HMGA2: variants seen among roughly 807,000 people sequenced by gnomAD.
The protein encoded by HMGA2 is high mobility group AT-hook 2, also known as high mobility group protein HMGI-C.
HMGA2 carries 8 observed loss-of-function variants against 19.1 expected under a neutral mutation model. That is an observed-to-expected ratio of 0.42 (90% confidence interval 0.25 to 0.76). The LOEUF is 0.76. Ranked by LOEUF, HMGA2 falls within the 30% of genes least tolerant of loss-of-function variation. The pLI, the probability that HMGA2 is intolerant of heterozygous loss-of-function variation, is 0.28. For missense variants in HMGA2, 109 were observed against 136.3 expected, an observed-to-expected ratio of 0.80 and a Z score of 1.00; for synonymous variants, 60 against 48.8, an observed-to-expected ratio of 1.23 and a Z score of -0.96.
In HMGA2 at chr12:65,825,758, T is replaced by C. The variant is rs1312920219; in HGVS notation, c.111+377T>C. 6.6e-6 allele frequency among the ~76,000 whole-genome samples: 1 copy of C among 152,122 alleles called. No individual in the cohort carries two copies. Among genetic ancestry groups the C allele is most frequent in the Non-Finnish European group, 1.5e-5 (1 of 68,012 alleles). ...GCGCTTTCCGAGTTGCTTTTGCAAC[T>C]GCCCGGGAGGAAGGAGGTGCCGGGG... On this transcript the variant is annotated intron_variant, in intron 1 of 4. Transcript: ENST00000403681. This position sits in a 1 kb window ranked among gnomAD's most constrained non-coding sequence, Gnocchi z 4.4.
chr12:65,888,725 G>T (rs147425556), intron 3 of HMGA2, among the ~76,000 whole-genome samples: 11,419 of 150,920 alleles, frequency 0.076, 462 homozygotes, highest in Middle Eastern at 0.17. Context: ...CACCACGCCC[G>T]GCTAACTTTT....
At chr12:65,957,375 C>T (rs888772922) in intron 4 of HMGA2, 2 of 152,072 alleles carry the variant, frequency 1.3e-5, no homozygotes, top group African/African-American at 2.4e-5. Flanking sequence ...CACGGTGGCT[C>T]ATGCCTGTTA....
intron 3 of HMGA2, among the ~76,000 whole-genome samples, chr12:65,880,173 T>C (rs1044783983): frequency 2.0e-5 from 3 of 152,212 alleles, no homozygotes; most frequent in Admixed American, 2.0e-4. Flanking sequence ...GGAGATAATA[T>C]TAGAAGCAAA....
rs754042560 is a variant in HMGA2 at position 65,842,690 on chromosome 12, G to A, written c.249+4121G>A. 3.9e-5 allele frequency: 59 copies of A among 1,524,590 alleles called. 1 individual carries two copies. The Middle Eastern group carries it at 1.0e-3, about 26-fold the overall frequency. 94.4% of individuals were successfully genotyped at this position (1,524,590 alleles called of 1,614,324 possible). The stretch of plus-strand genomic sequence containing the variant: ...TTGAAAAGAAGTATTTCTGCTGTTT[G>A]CCTCAAGATGTACATACAGAGATGT... On this transcript the variant is annotated intron_variant, in intron 3 of 4. Coordinates refer to ENST00000403681, the MANE Select transcript of HMGA2 (RefSeq NM_003483.6).
At chr12:65,886,378 G>A (rs985162739) in intron 3 of HMGA2, among the ~76,000 whole-genome samples, 1 of 107,858 alleles carries the variant, frequency 9.3e-6, no homozygotes. Context: ...TTTTTTTTTT[G>A]AGACCGAGTC....
chr12:65,958,311 T>C (rs1192135126), intron 4 of HMGA2: 2 of 152,228 alleles, frequency 1.3e-5, no homozygotes, highest in Non-Finnish European at 2.9e-5. Flanking sequence ...TCTCAACTTA[T>C]TGTCTCCTTT....
At chr12:65,953,556 C>A (rs1876524453) in intron 4 of HMGA2, 1 of 152,128 alleles carries the variant, frequency 6.6e-6, no homozygotes, top group African/African-American at 2.4e-5. Context: ...GACATTAATA[C>A]ATCAAGAAAT....
intron 3 of HMGA2, chr12:65,915,313 G>T (rs1352475869): frequency 2.1e-6 from 3 of 1,415,198 alleles, no homozygotes; most frequent in South Asian, 2.8e-5. Flanking sequence ...TGCATCCCAA[G>T]ATGTAGTTTC....
intron 4 of HMGA2, chr12:65,952,921 T>C (rs1455537094): frequency 6.4e-6 from 1 of 156,252 alleles, no homozygotes; most frequent in East Asian, 1.9e-4. Context: ...TTTATATGTA[T>C]ATGCCTGTGT....
chr12:65,824,733 C>CTG lies in HMGA2; in HGVS notation c.-537_-536insGT, dbSNP rs1416956171. 6 of 181,462 alleles carry CTG rather than the reference C, an allele frequency of 3.3e-5. No homozygotes were observed. The highest frequency in any genetic ancestry group is 2.4e-4 in the African/African-American group (6 of 24,908). 11.2% of individuals were successfully genotyped at this position (181,462 alleles called of 1,614,324 possible). A position where few individuals can be genotyped will look rare whatever the true frequency, so the allele number is the denominator to read the frequency against. On this transcript the variant is annotated 5_prime_UTR_variant, in exon 1 of 5. Transcript: ENST00000403681. ...ATCTCTTCTCTCTCTCTCTCTCTCTCTCTCTCTCTCTCTCTCTCTCTCTCT... is the reference window on the plus strand; with the variant it reads ...ATCTCTTCTCTCTCTCTCTCTCTCTCTGTCTCTCTCTCTCTCTCTCTCTCTCT...
chr12:65,849,306 A>G (rs1474389104), intron 3 of HMGA2, among the ~76,000 whole-genome samples: 1 of 152,138 alleles, frequency 6.6e-6, no homozygotes, highest in East Asian at 1.9e-4. Context: ...CTAGGGGTGG[A>G]GTTAGAATGT....
intron 3 of HMGA2, among the ~76,000 whole-genome samples, chr12:65,933,128 AT>A (rs1367510795): frequency 1.3e-5 from 2 of 151,980 alleles, no homozygotes; most frequent in Non-Finnish European, 2.9e-5. Context: ...CGAATTCTTT[AT>A]CATGATTACA....
chr12:65,830,391 T>C (rs745719421), intron 2 of HMGA2, among the ~76,000 whole-genome samples: 1 of 152,006 alleles, frequency 6.6e-6, no homozygotes, highest in Non-Finnish European at 1.5e-5. Context: ...GAAAAAGTTA[T>C]ATTGTTCATA....
At chr12:65,945,162 ATTTTGTCTGC>A (rs1221762418) in intron 3 of HMGA2, among the ~76,000 whole-genome samples, 1 of 151,458 alleles carries the variant, frequency 6.6e-6, no homozygotes, top group Non-Finnish European at 1.5e-5. Flanking sequence ...CAGAAATACC[ATTTTGTCTGC>A]TTTCTGTTGT....
chr12:65,827,248 AAG>A (rs572583130), intron 1 of HMGA2, among the ~76,000 whole-genome samples: 2 of 152,270 alleles, frequency 1.3e-5, no homozygotes, highest in African/African-American at 4.8e-5. Context: ...CCACCCCCAT[AAG>A]AGTTTTCTCA....
At chr12:65,937,728 G>T (rs747737599) in intron 3 of HMGA2, among the ~76,000 whole-genome samples, 5 of 152,110 alleles carry the variant, frequency 3.3e-5, no homozygotes, top group Non-Finnish European at 5.9e-5. Flanking sequence ...AAACATACAC[G>T]TTCTACAAAG....
chr12:65,874,817 A>G (rs931540976), intron 3 of HMGA2, among the ~76,000 whole-genome samples: 16 of 152,346 alleles, frequency 1.1e-4, no homozygotes, highest in East Asian at 9.6e-4. Flanking sequence ...ATTTGCCCCA[A>G]TGGGCTCATC....
At chr12:65,905,452 C>T (rs956923772) in intron 3 of HMGA2, among the ~76,000 whole-genome samples, 1 of 152,030 alleles carries the variant, frequency 6.6e-6, no homozygotes, top group Non-Finnish European at 1.5e-5. Flanking sequence ...AAAAAATTAC[C>T]AATATTCAAA....
At chr12:65,952,526 C>T in intron 4 of HMGA2, 4 of 1,429,400 alleles carry the variant, frequency 2.8e-6, no homozygotes, top group Non-Finnish European at 3.7e-6. Flanking sequence ...ACAGAGTTAC[C>T]ATGAAAAAAA....
Sources: gnomAD v4.1 joint callset for allele counts (sites outside exome capture counted in the v4.1 genomes callset) on GRCh38, gnomAD v4.1.1 for gene constraint, Gnocchi (gnomAD v3.1) non-coding constraint, MANE v1.5 for transcripts, NCBI Gene and HGNC (gene_info 2026-07-23, HGNC 2026-07-21) for gene names.